FRAS1: variants seen among roughly 807,000 people sequenced by gnomAD.
FRAS1 encodes Fraser extracellular matrix complex subunit 1, also known as extracellular matrix organizing protein FRAS1.
Under a neutral mutation model 435.2 loss-of-function variants are expected in FRAS1, and 290 were observed. The observed-to-expected ratio is 0.67, with a 90% CI of 0.61 to 0.73. The LOEUF (loss-of-function observed/expected upper bound fraction) is 0.73, where lower values mean the gene tolerates loss of function less well. FRAS1 is among the 30% of genes least tolerant of loss of function. FRAS1 has a pLI of 0.00. For missense variants in FRAS1, 4,860 were observed against 5,001.5 expected, an observed-to-expected ratio of 0.97 and a Z score of 0.85; for synonymous variants, 1,800 against 1,851.0, an observed-to-expected ratio of 0.97 and a Z score of 0.71.
At chr4:78,426,889 A>G (rs1489788828) in intron 35 of FRAS1, among the ~76,000 whole-genome samples, 1 of 152,188 alleles carries the variant, frequency 6.6e-6, no homozygotes, top group South Asian at 2.1e-4. Context: ...GCTTTTTTCC[A>G]CTTACTTACA....
intron 2 of FRAS1, among the ~76,000 whole-genome samples, chr4:78,143,391 A>G (rs913769059): frequency 6.6e-6 from 1 of 152,190 alleles, no homozygotes; most frequent in Non-Finnish European, 1.5e-5. Flanking sequence ...TACAAGGTGG[A>G]TTTTAATGTA....
At chr4:78,397,625 A>C (rs1376534039) in intron 29 of FRAS1, among the ~76,000 whole-genome samples, 1 of 152,130 alleles carries the variant, frequency 6.6e-6, no homozygotes, top group Non-Finnish European at 1.5e-5. Context: ...GGTGGAGCCC[A>C]TTAGCCAGTT....
chr4:78,272,408 T>C (rs1307594512), intron 9 of FRAS1, among the ~76,000 whole-genome samples: 2 of 152,220 alleles, frequency 1.3e-5, no homozygotes, highest in African/African-American at 4.8e-5. Context: ...CTGAATGGTA[T>C]TGCCTAGGTT....
intron 2 of FRAS1, 74 bp from the exon 3 acceptor site, chr4:78,237,436 A>G: frequency 1.0e-6 from 1 of 997,652 alleles, no homozygotes; most frequent in Non-Finnish European, 1.6e-6. Flanking sequence ...ATGTGGGACT[A>G]TTGATGGTGC....
intron 18 of FRAS1, among the ~76,000 whole-genome samples, chr4:78,327,853 G>A (rs1301131977): frequency 5.3e-5 from 8 of 152,082 alleles, no homozygotes; most frequent in African/African-American, 1.4e-4. Flanking sequence ...AAACCAGCAC[G>A]GAATTGAAAT....
rs1393301583 is a variant in FRAS1, at chr4:78,400,772, G to A, written c.4014G>A (p.Val1338=). The A allele has an allele frequency of 6.2e-7, 1 of 1,613,456 alleles. No individual in the cohort carries two copies. The highest frequency in any genetic ancestry group is 1.1e-5 in the South Asian group (1 of 90,936). Residue 1338 remains valine, a synonymous_variant, in exon 30 of 74, where the codon GTG becomes GTA. Coordinates refer to ENST00000512123, the MANE Select transcript of FRAS1 (RefSeq NM_025074.7). ...TTCAGCTTGTGGCTAATTCGATGGT[G>A]TGGGTTCCAGAAGGGGGGATGCTGC... ...RGLQLVANSM[V]WVPEGGMLQI...
intron 18 of FRAS1, among the ~76,000 whole-genome samples, chr4:78,329,681 T>C (rs567897900): frequency 6.6e-6 from 1 of 152,242 alleles, no homozygotes; most frequent in Non-Finnish European, 1.5e-5. Flanking sequence ...CGGATTTCTG[T>C]ATCACCTATT....
intron 31 of FRAS1, among the ~76,000 whole-genome samples, chr4:78,411,200 T>G (rs1733322405): frequency 6.7e-6 from 1 of 149,064 alleles, no homozygotes; most frequent in South Asian, 2.1e-4. Flanking sequence ...AACCTCCACC[T>G]CCCAGGTTCA....
intron 3 of FRAS1, 123 bp downstream of exon 3, chr4:78,237,740 T>A (rs1182153186): frequency 4.2e-6 from 2 of 473,620 alleles, no homozygotes; most frequent in African/African-American, 2.0e-5. Flanking sequence ...CTTAATGAAA[T>A]GCAGAAGAGA....
At chr4:78,249,534 G>C (rs1725434290) in intron 4 of FRAS1, among the ~76,000 whole-genome samples, 1 of 151,890 alleles carries the variant, frequency 6.6e-6, no homozygotes, top group South Asian at 2.1e-4. Context: ...TGCTGACCAG[G>C]CTGGTCTTGA....
chr4:78,281,538 A>G (rs1462134823), intron 11 of FRAS1, 105 bp downstream of exon 11: 2 of 646,778 alleles, frequency 3.1e-6, no homozygotes, highest in Non-Finnish European at 5.2e-6. Context: ...TATTTTTAAC[A>G]GCCACATTTG....
rs1006379747 is a variant in FRAS1 at position 78,057,804 on chromosome 4, G to A, written c.-206G>A. The A allele has an allele frequency of 1.8e-5, 10 of 560,550 alleles. No homozygotes were observed. The African/African-American group carries it at 1.9e-4, about 11-fold the overall frequency. The allele number at this position is 560,550 out of a possible 1,614,324, so 34.7% of individuals were successfully genotyped here. A position where few individuals can be genotyped will look rare whatever the true frequency, so the allele number is the denominator to read the frequency against. On this transcript the variant is annotated 5_prime_UTR_variant, in exon 1 of 74. Coordinates refer to ENST00000512123, the MANE Select transcript of FRAS1 (RefSeq NM_025074.7). The surrounding 1 kb of genome is among the most constrained non-coding windows in gnomAD (Gnocchi z 4.2). ...TCGGCGCGCTCTCTGCCTGAGCAGC[G>A]AGTGAATTGAACCCCAGCCCGCTCC...
At chr4:78,371,450 C>T (rs1028603934) in intron 23 of FRAS1, among the ~76,000 whole-genome samples, 11 of 152,134 alleles carry the variant, frequency 7.2e-5, no homozygotes, top group Non-Finnish European at 1.5e-4. Flanking sequence ...AGAAACAGTT[C>T]AGCAGCAAAC....
intron 32 of FRAS1, among the ~76,000 whole-genome samples, chr4:78,417,298 A>G (rs1289904127): frequency 6.6e-6 from 1 of 152,154 alleles, no homozygotes; most frequent in Non-Finnish European, 1.5e-5. Flanking sequence ...TCACTTTATT[A>G]TTTTAAGGAC....
intron 2 of FRAS1, among the ~76,000 whole-genome samples, chr4:78,198,850 A>C (rs1207582817): frequency 1.3e-5 from 2 of 152,238 alleles, no homozygotes; most frequent in African/African-American, 4.8e-5. Flanking sequence ...TGATTTTCTG[A>C]ATACCACTTT....
In FRAS1 at chr4:78,342,573, TCAA is replaced by T. The variant is rs1175375133; in HGVS notation, c.2422+4762_2422+4764del. On this transcript the variant is annotated intron_variant, in intron 20 of 73. Coordinates refer to ENST00000512123, the MANE Select transcript of FRAS1 (RefSeq NM_025074.7). ...AAAAAATTTTTTTTTTGCCCACATC[TCAA>T]CAACATTAACAGAAAACTCCAAAGC... Among the ~76,000 whole-genome samples the T allele has an allele frequency of 6.6e-5, 10 of 152,310 alleles. 1 individual carries two copies. Among genetic ancestry groups the T allele is most frequent in the African/African-American group, 2.2e-4 (9 of 41,556 alleles).
At chr4:78,365,752 A>AAC (rs1560682874) in intron 22 of FRAS1, among the ~76,000 whole-genome samples, 1 of 99,706 alleles carries the variant, frequency 1.0e-5, no homozygotes, top group Non-Finnish European at 1.8e-5. Flanking sequence ...AAAAAAAAAC[A>AAC]AAAAAAAAAA....
At chr4:78,471,622 AC>A (rs1217404721) in intron 51 of FRAS1, among the ~76,000 whole-genome samples, 4 of 152,138 alleles carry the variant, frequency 2.6e-5, no homozygotes, top group Non-Finnish European at 2.9e-5. Flanking sequence ...GCTCTTGACC[AC>A]CCTCTTTCTT....
At position 78,318,921 on chromosome 4, in the gene FRAS1, C is replaced by T. The variant is rs1246624755; in HGVS notation, c.2072C>T (p.Pro691Leu). 1.9e-6 allele frequency: 3 copies of T among 1,613,958 alleles called. No individual in the cohort carries two copies. Among genetic ancestry groups the T allele is most frequent in the Non-Finnish European group, 2.5e-6 (3 of 1,179,884 alleles). Residue 691 changes from proline (P) to leucine (L), a missense_variant, in exon 18 of 74, where the codon CCC becomes CTC. By Grantham distance (98) the Pro-to-Leu change is moderately conservative. Coordinates refer to ENST00000512123, the MANE Select transcript of FRAS1 (RefSeq NM_025074.7). ...GAGCAGCTGTCTGACGTGGGCATCC[C>T]CTCTGGCGAGTGTCTAGCCCAGTGT... is the stretch of plus-strand genomic sequence containing the variant. ...QVEQLSDVGI[P>L]SGECLAQCRA...
Sources: gnomAD v4.1 joint callset for allele counts (sites outside exome capture counted in the v4.1 genomes callset) on GRCh38, gnomAD v4.1.1 for gene constraint, Gnocchi (gnomAD v3.1) non-coding constraint, MANE v1.5 for transcripts, NCBI Gene and HGNC (gene_info 2026-07-23, HGNC 2026-07-21) for gene names.